The following SLC35F5 variants were observed in gnomAD, a reference collection of about 807,000 sequenced individuals.
SLC35F5 encodes the protein solute carrier family 35 member F5, also known as HCV NS5A-transactivated protein 3.
In SLC35F5, 54 loss-of-function variants were observed where a neutral mutation model predicts 68.6. The observed-to-expected ratio is 0.79, with a 90% CI of 0.63 to 0.99. SLC35F5 has a LOEUF of 0.99. Among genes scored for constraint, SLC35F5 ranks in the 50% least tolerant of loss-of-function variants. SLC35F5 has a pLI of 0.00. For missense variants in SLC35F5, 567 were observed against 626.9 expected (o/e 0.90, Z 1.02); for synonymous variants, 211 against 205.2 (o/e 1.03, Z -0.24).
intron 11 of SLC35F5, among the ~76,000 whole-genome samples, chr2:113,727,564 T>A (rs1483062156): frequency 6.6e-6 from 1 of 152,130 alleles, no homozygotes; most frequent in East Asian, 1.9e-4. Flanking sequence ...ACCCCACCTA[T>A]TCCCTCGACT....
chr2:113,745,879 G>A (rs1032594323), intron 5 of SLC35F5, among the ~76,000 whole-genome samples: 7 of 152,164 alleles, frequency 4.6e-5, no homozygotes, highest in South Asian at 2.1e-4. Flanking sequence ...AGCCTAGAAC[G>A]TGTTTAACAC....
chr2:113,755,860 C>T (rs1350804824), intron 1 of SLC35F5: 1 of 1,550,438 alleles, frequency 6.4e-7, no homozygotes, highest in Non-Finnish European at 8.7e-7. Context: ...TTCACCTCTC[C>T]ATCCAGAGGA....
At chr2:113,745,578 G>A (rs1291234157) in intron 5 of SLC35F5, among the ~76,000 whole-genome samples, 1 of 152,118 alleles carries the variant, frequency 6.6e-6, no homozygotes, top group Non-Finnish European at 1.5e-5. Flanking sequence ...GCTGAGACAA[G>A]GTGATTGCTT....
rs192613468 is a variant in SLC35F5, at chr2:113,753,563, C to G, written c.273+1602G>C. Reference sequence around the variant, plus strand: ...GAATAATGAGATTGTAAAACATCCTCTTACTAAAATATTTTACTTTAAAAA... The same window carrying G: ...GAATAATGAGATTGTAAAACATCCTGTTACTAAAATATTTTACTTTAAAAA... On this transcript the variant is annotated intron_variant, in intron 3 of 15. Coordinates refer to ENST00000245680, the MANE Select transcript of SLC35F5 (RefSeq NM_025181.5). 1.4e-3 allele frequency among the ~76,000 whole-genome samples: 212 copies of G among 152,186 alleles called. 2 individuals carry two copies. The highest frequency in any genetic ancestry group is 6.5e-4 in the Non-Finnish European group (44 of 68,006).
Position 113,753,037 on chromosome 2 carries a change from GT to G in SLC35F5, c.273+2127del, listed in dbSNP as rs569123530. ...TGATAAGGTTGGCAAATTTGGTTAA[GT>G]GCTAAAGCTAAGTAACGAATACATG... On this transcript the variant is annotated intron_variant, in intron 3 of 15. Coordinates refer to ENST00000245680, the MANE Select transcript of SLC35F5 (RefSeq NM_025181.5). Among the ~76,000 whole-genome samples the G allele has an allele frequency of 2.2e-3, 336 of 152,156 alleles. 3 individuals carry two copies. Among genetic ancestry groups the G allele is most frequent in the African/African-American group, 7.7e-3 (320 of 41,502 alleles).
Position 113,714,863 on chromosome 2 carries a change from C to T in SLC35F5, c.*355G>A, listed in dbSNP as rs1027191361. 6.6e-5 allele frequency: 10 copies of T among 152,484 alleles called. No individual in the cohort carries two copies. The highest frequency in any genetic ancestry group is 2.2e-4 in the African/African-American group (9 of 41,416). The allele number at this position is 152,484 out of a possible 1,614,324, so 9.4% of individuals were successfully genotyped here. ...CTTGAAAACATTTTCATAATATATTCCAGCATTTAACATGTGAAAATAAAG... is the reference window on the plus strand; with the variant it reads ...CTTGAAAACATTTTCATAATATATTTCAGCATTTAACATGTGAAAATAAAG... On this transcript the variant is annotated 3_prime_UTR_variant, in exon 16 of 16. Transcript: ENST00000245680.
intron 14 of SLC35F5, 27 bp downstream of exon 14, chr2:113,719,127 A>T: frequency 6.3e-7 from 1 of 1,581,402 alleles, no homozygotes; most frequent in Non-Finnish European, 8.5e-7. Flanking sequence ...CACTATTTTT[A>T]AAAATGTGTA....
intron 3 of SLC35F5, among the ~76,000 whole-genome samples, chr2:113,754,064 G>C (rs1463573822): frequency 6.6e-6 from 1 of 152,050 alleles, no homozygotes; most frequent in African/African-American, 2.4e-5. Context: ...GGCCGAGGCG[G>C]GCGGATCATG....
rs1676326707 is a variant in SLC35F5, at chr2:113,742,744, C to T, written c.698G>A (p.Gly233Glu). ...KEQESILKTV[G>E]KLTATQVAKI... is the part of the protein sequence containing the mutation. ...CGCTACTTGAGTTGCAGTAAGTTTC[C>T]CCACAGTTTTCAGTATGGATTCTTG... Residue 233 changes from glycine to glutamate, a missense_variant, in exon 7 of 16, where the codon GGG becomes GAG. Gly to Glu is a moderately conservative substitution (Grantham distance 98). Transcript: ENST00000245680. 6.2e-7 allele frequency: 1 copy of T among 1,613,830 alleles called. No homozygotes were observed. Among genetic ancestry groups the T allele is most frequent in the South Asian group, 1.1e-5 (1 of 91,058 alleles).
intron 8 of SLC35F5, 127 bp downstream of exon 8, chr2:113,735,650 G>A (rs1688060738): frequency 1.7e-6 from 1 of 574,024 alleles, no homozygotes; most frequent in Admixed American, 3.4e-5. Flanking sequence ...AGTTGTAATA[G>A]ACTAATGTAT....
At chr2:113,746,053 T>G (rs58673639) in intron 5 of SLC35F5, among the ~76,000 whole-genome samples, 26,724 of 152,138 alleles carry the variant, frequency 0.18, 2,853 homozygotes, top group South Asian at 0.24. Flanking sequence ...CTGAACCAGT[T>G]TTCCCTTCCC....
At chr2:113,743,857 T>A in intron 5 of SLC35F5, 63 bp from the exon 6 acceptor site, 1 of 1,349,302 alleles carries the variant, frequency 7.4e-7, no homozygotes, top group Non-Finnish European at 1.0e-6. Flanking sequence ...GGTTAAAATT[T>A]AAATGGATAG....
At chr2:113,729,609 GA>G in intron 10 of SLC35F5, 104 bp from the exon 11 acceptor site, 1 of 664,648 alleles carries the variant, frequency 1.5e-6, no homozygotes, top group South Asian at 1.8e-5. Context: ...ATACAAAAGT[GA>G]AAAGATATAT....
Position 113,711,405 on chromosome 2 carries a change from G to A in SLC35F5, c.*3813C>T, listed in dbSNP as rs561720445. 4.1e-4 allele frequency among the ~76,000 whole-genome samples: 62 copies of A among 152,062 alleles called. 1 individual carries two copies. The South Asian group carries it at 9.3e-3, about 23-fold the overall frequency. Reference sequence around the variant, plus strand: ...TAACATTAAAATATTAAAATATCCCGTTTATTAAAGGCTCTTAAGATTTAA... The same window carrying A: ...TAACATTAAAATATTAAAATATCCCATTTATTAAAGGCTCTTAAGATTTAA... On this transcript the variant is annotated 3_prime_UTR_variant, in exon 16 of 16. Coordinates refer to ENST00000245680, the MANE Select transcript of SLC35F5 (RefSeq NM_025181.5).
chr2:113,755,235 C>T lies in SLC35F5; in HGVS notation c.203G>A (p.Arg68Gln), dbSNP rs770852991. ...SQNSGFTQRR[R>Q]MALGIVILLL... ...AAGAATAACAATCCCAAGAGCCATTCGCCTGCGCTGAGTGAAACCACTGTT... is the reference window on the plus strand; with the variant it reads ...AAGAATAACAATCCCAAGAGCCATTTGCCTGCGCTGAGTGAAACCACTGTT... The change falls in exon 3 of 16, where the codon CGA (arginine) becomes CAA (glutamine). Residue 68 changes from arginine to glutamine, a missense_variant. Coordinates refer to ENST00000245680, the MANE Select transcript of SLC35F5 (RefSeq NM_025181.5). 1.9e-6 allele frequency: 3 copies of T among 1,613,982 alleles called. No homozygotes were observed. The highest frequency in any genetic ancestry group is 2.7e-5 in the African/African-American group (2 of 74,890).
chr2:113,716,676 T>C (rs895596402), intron 15 of SLC35F5, among the ~76,000 whole-genome samples: 6 of 151,570 alleles, frequency 4.0e-5, no homozygotes, highest in African/African-American at 1.5e-4. Flanking sequence ...AGAAGGAAAA[T>C]ACCAAAAGAA....
Position 113,715,130 on chromosome 2 carries a change from C to T in SLC35F5, c.*88G>A, listed in dbSNP as rs1027055208. 1.3e-5 allele frequency: 2 copies of T among 152,240 alleles called. No homozygotes were observed. The highest frequency in any genetic ancestry group is 2.9e-5 in the Non-Finnish European group (2 of 68,012). The allele number at this position is 152,240 out of a possible 1,614,324, so 9.4% of individuals were successfully genotyped here. On this transcript the variant is annotated 3_prime_UTR_variant, in exon 16 of 16. Coordinates refer to ENST00000245680, the MANE Select transcript of SLC35F5 (RefSeq NM_025181.5). Reference sequence around the variant, plus strand: ...AAACTGTTATTTTTCAGACTAGGCACTGAAACATTTTTTCTACAAAAACTT... The same window carrying T: ...AAACTGTTATTTTTCAGACTAGGCATTGAAACATTTTTTCTACAAAAACTT...
chr2:113,742,835 G>A lies in SLC35F5; in HGVS notation c.607C>T (p.Arg203Ter), dbSNP rs1201832503. The A allele has an allele frequency of 4.3e-6, 7 of 1,613,920 alleles. No homozygotes were observed. The highest frequency in any genetic ancestry group is 5.9e-6 in the Non-Finnish European group (7 of 1,179,986). Residue 203 changes from arginine to a stop codon, truncating the protein, a stop_gained, in exon 7 of 16, where the codon CGA becomes TGA. Coordinates refer to ENST00000245680, the MANE Select transcript of SLC35F5 (RefSeq NM_025181.5). LOFTEE classifies it high-confidence loss of function. ...RVRFSNIMEI[R>*]QLPSSHALEA... Reference sequence around the variant, plus strand: ...AATGCATGACTTGACGGAAGCTGTCGAATCTCCATGATATTACTGAACCTC... The same window carrying A: ...AATGCATGACTTGACGGAAGCTGTCAAATCTCCATGATATTACTGAACCTC...
chr2:113,718,866 AAAGAAAGAAAGAAAGAAAG>A (rs1404224213), intron 14 of SLC35F5, among the ~76,000 whole-genome samples: 1 of 13,126 alleles, frequency 7.6e-5, no homozygotes, highest in African/African-American at 1.7e-4. Context: ...AGAGAAAGAA[AAAGAAAGAAAGAAAGAAAG>A]AAAGAAAGAA....
Sources: allele counts gnomAD v4.1 joint callset (sites outside exome capture counted in the v4.1 genomes callset), GRCh38; gene constraint gnomAD v4.1.1; transcripts MANE v1.5; gene names NCBI Gene and HGNC (gene_info 2026-07-23, HGNC 2026-07-21).